GRIP2: variants seen among roughly 807,000 people sequenced by gnomAD.
The protein encoded by GRIP2 is glutamate receptor interacting protein 2.
GRIP2 carries 58 observed loss-of-function variants against 108.3 expected under a neutral mutation model. The ratio of observed to expected loss-of-function variants is 0.54; its 90% CI spans 0.43 to 0.67. The LOEUF (loss-of-function observed/expected upper bound fraction) is 0.67. GRIP2 is among the 30% of genes least tolerant of loss of function. The pLI, the probability that GRIP2 is intolerant of heterozygous loss-of-function variation, is 0.00. For synonymous variants in GRIP2, 586 were observed against 598.2 expected (o/e 0.98, Z 0.30); for missense variants, 1,278 against 1,430.6 (o/e 0.89, Z 1.72).
rs545635062 is a variant in GRIP2 at position 14,513,552 on chromosome 3, G to A, written c.1639+113C>T. 5.2e-5 allele frequency: 70 copies of A among 1,343,854 alleles called. No homozygotes were observed. The East Asian group carries it at 1.3e-3, about 25-fold the overall frequency. 83.2% of individuals were successfully genotyped at this position (1,343,854 alleles called of 1,614,324 possible). On this transcript the variant is annotated intron_variant, in intron 13 of 23. Transcript: ENST00000621039. ...AAGCTGCAAAGCCCCTGGGAGAAGG[G>A]CACTGGGCACAGAGGGGGATGGGGT...
chr3:14,542,615 T>C (rs538136877), upstream of GRIP2, among the ~76,000 whole-genome samples: 1 of 152,304 alleles, frequency 6.6e-6, no homozygotes, highest in Non-Finnish European at 1.5e-5. Context: ...ACCCCCAAGC[T>C]CCTGGAAAGG....
Position 14,496,457 on chromosome 3 carries a change from A to G in GRIP2, c.2783T>C (p.Met928Thr). Residue 928 changes from methionine (M) to threonine (T), a missense_variant, in exon 22 of 24, where the codon ATG (methionine) becomes ACG (threonine). By Grantham distance (81) the Met-to-Thr change is moderately conservative. Coordinates refer to ENST00000621039, the MANE Select transcript of GRIP2 (RefSeq NM_001080423.4). ...GREVRASPAE[M>T]EELLLPTPLE... ...GGGTGTAGGCAGCAACAGCTCCTCC[A>G]TTTCTGCAGGAGAGGCTCGTACCTC... The G allele has an allele frequency of 6.2e-7, 1 of 1,612,944 alleles. No homozygotes were observed. Among genetic ancestry groups the G allele is most frequent in the Admixed American group, 1.7e-5 (1 of 59,900 alleles).
upstream of GRIP2, among the ~76,000 whole-genome samples, chr3:14,558,076 A>G (rs1353239347): frequency 6.6e-6 from 1 of 152,212 alleles, no homozygotes; most frequent in Non-Finnish European, 1.5e-5. Flanking sequence ...GAAGGCAGGA[A>G]AGTCAGGAAT....
chr3:14,580,524 T>C, the GRIP2 span, among the ~76,000 whole-genome samples: 3 of 152,160 alleles, frequency 2.0e-5, no homozygotes, highest in Non-Finnish European at 4.4e-5. Context: ...AGTGAGACCT[T>C]GTCTCTACAA....
chr3:14,572,902 G>T, the GRIP2 span: 1 of 1,276,804 alleles, frequency 7.8e-7, no homozygotes, highest in Non-Finnish European at 1.1e-6. Flanking sequence ...TCAGTGAAGG[G>T]GATGCAGGTG....
intron 21 of GRIP2, among the ~76,000 whole-genome samples, chr3:14,501,485 G>C (rs1424724584): frequency 6.6e-6 from 1 of 152,180 alleles, no homozygotes; most frequent in African/African-American, 2.4e-5. Context: ...GGACAAAACA[G>C]GTGTAAAGGA....
intron 10 of GRIP2, 86 bp downstream of exon 10, chr3:14,517,686 G>A (rs756207476): frequency 7.2e-6 from 11 of 1,526,106 alleles, no homozygotes; most frequent in Non-Finnish European, 8.9e-6. Flanking sequence ...CTGAGTCTGA[G>A]TTTCCTTCCC....
rs375975446 is a variant in GRIP2 at position 14,505,610 on chromosome 3, C to A, written c.2573+5G>T. ...CTCCTCCTTCACGGTGCTCCCACCA[C>A]AGACCTCGTTGGCGGCTCCCAATCA... On this transcript the variant is annotated splice_donor_5th_base_variant and intron_variant, in intron 20 of 23. Coordinates refer to ENST00000621039, the MANE Select transcript of GRIP2 (RefSeq NM_001080423.4). This position sits in a 1 kb window ranked among gnomAD's most constrained non-coding sequence, Gnocchi z 4.2. 8.1e-6 allele frequency: 13 copies of A among 1,608,562 alleles called. No homozygotes were observed. The highest frequency in any genetic ancestry group is 1.3e-5 in the African/African-American group (1 of 74,898).
chr3:14,588,014 A>G, the GRIP2 span, among the ~76,000 whole-genome samples: 30 of 152,242 alleles, frequency 2.0e-4, no homozygotes, highest in Non-Finnish European at 1.5e-5. Context: ...CATACCCAAA[A>G]AGAGAAACAA....
At chr3:14,525,019 G>C (rs908528226) in intron 3 of GRIP2, among the ~76,000 whole-genome samples, 1 of 152,232 alleles carries the variant, frequency 6.6e-6, no homozygotes, top group Non-Finnish European at 1.5e-5. Context: ...GTGCATGTGG[G>C]GCTTCAGGAA....
Position 14,493,641 on chromosome 3 carries a change from A to G in GRIP2, c.*24T>C. 1 of 1,566,556 alleles carries G rather than the reference A, an allele frequency of 6.4e-7. No homozygotes were observed. Among genetic ancestry groups the G allele is most frequent in the Admixed American group, 1.8e-5 (1 of 55,526 alleles). ...CCAGGATCTGCCTGGGTGGCCCCTTAGGAGTTCGGCCCACATGCTGACTTC... is the reference window on the plus strand; with the variant it reads ...CCAGGATCTGCCTGGGTGGCCCCTTGGGAGTTCGGCCCACATGCTGACTTC... On this transcript the variant is annotated 3_prime_UTR_variant, in exon 24 of 24. Transcript: ENST00000621039.
At chr3:14,558,014 G>A (rs571886510), upstream of GRIP2, among the ~76,000 whole-genome samples, 14 of 152,312 alleles carry the variant, frequency 9.2e-5, no homozygotes, top group African/African-American at 2.9e-4. Flanking sequence ...TGGTTATTCC[G>A]CATGGAGCCC....
intron 1 of GRIP2, among the ~76,000 whole-genome samples, chr3:14,534,008 G>C (rs1226514072): frequency 6.6e-6 from 1 of 152,224 alleles, no homozygotes; most frequent in Non-Finnish European, 1.5e-5. Flanking sequence ...TCTTGTGGAA[G>C]TCAAGAAGCC....
At chr3:14,500,261 A>G (rs76531281) in intron 21 of GRIP2, among the ~76,000 whole-genome samples, 1,984 of 152,342 alleles carry the variant, frequency 0.013, 26 homozygotes, top group East Asian at 0.047. Flanking sequence ...CATGGAGGGT[A>G]GAATGCATGG....
chr3:14,508,315 T>A lies in GRIP2; in HGVS notation c.2079-615A>T, dbSNP rs150989088. ...CACCCATTACAATGACCTGAGGAGC[T>A]TTTTGAAAATGCAGGTGCCTGGGCC... On this transcript the variant is annotated intron_variant, in intron 17 of 23. Transcript: ENST00000621039. 1.0e-3 allele frequency among the ~76,000 whole-genome samples: 158 copies of A among 152,296 alleles called. 4 individuals are homozygous for A. The East Asian group carries it at 0.022, about 21-fold the overall frequency.
rs560337848 is a variant in GRIP2, at chr3:14,522,523, C to T, written c.566+477G>A. 6.4e-6 allele frequency: 1 copy of T among 157,472 alleles called. No homozygotes were observed. The highest frequency in any genetic ancestry group is 6.1e-5 in the Admixed American group (1 of 16,408). The allele number at this position is 157,472 out of a possible 1,614,324, so 9.8% of individuals were successfully genotyped here. A position where few individuals can be genotyped will look rare whatever the true frequency, so the allele number is the denominator to read the frequency against. ...ACTGGGGAGGCCGAGGGATCAGGGG[C>T]TGGGAACTGGACATGTTCTTTCCCC... On this transcript the variant is annotated intron_variant, in intron 6 of 23. Coordinates refer to ENST00000621039, the MANE Select transcript of GRIP2 (RefSeq NM_001080423.4). This position sits in a 1 kb window ranked among gnomAD's most constrained non-coding sequence, Gnocchi z 4.3.
upstream of GRIP2, among the ~76,000 whole-genome samples, chr3:14,545,132 G>T (rs1324384047): frequency 6.6e-6 from 1 of 152,242 alleles, no homozygotes; most frequent in East Asian, 1.9e-4. Flanking sequence ...CCAGGAGAGG[G>T]GGTGTCCAGA....
chr3:14,525,457 T>C lies in GRIP2; in HGVS notation c.237A>G (p.Arg79=). 1.2e-6 allele frequency: 2 copies of C among 1,612,426 alleles called. No individual in the cohort carries two copies. The highest frequency in any genetic ancestry group is 8.5e-7 in the Non-Finnish European group (1 of 1,179,528). ...KDGKPRVSNL[R]PGGLAARSDL... ...CTCACCTGGCTGCAAGTCCCCCAGG[T>C]CTCAGGTTGGAGACCCTGGGCTTTC... The change falls in exon 3 of 24, where the codon AGA becomes AGG. Residue 79 remains arginine (R), a synonymous_variant. Coordinates refer to ENST00000621039, the MANE Select transcript of GRIP2 (RefSeq NM_001080423.4).
At chr3:14,519,642 T>G (rs1390406574) in intron 9 of GRIP2, among the ~76,000 whole-genome samples, 1 of 144,958 alleles carries the variant, frequency 6.9e-6, no homozygotes, top group Non-Finnish European at 1.5e-5. Flanking sequence ...GACCACCCAC[T>G]TCCTCTGCTC....
Sources: gnomAD v4.1 joint callset for allele counts (sites outside exome capture counted in the v4.1 genomes callset) on GRCh38, gnomAD v4.1.1 for gene constraint, Gnocchi (gnomAD v3.1) non-coding constraint, MANE v1.5 for transcripts, NCBI Gene and HGNC (gene_info 2026-07-23, HGNC 2026-07-21) for gene names.